Variants in TUSC3 observed in about 807,000 individuals in gnomAD.
The protein encoded by TUSC3 is tumor suppressor candidate 3.
TUSC3 carries 45 observed loss-of-function variants against 44.8 expected under a neutral mutation model. The observed-to-expected ratio is 1.00, with a 90% CI of 0.79 to 1.29. The LOEUF is 1.29. Among genes scored for constraint, TUSC3 ranks in the 50% most tolerant of loss-of-function variants. The pLI is 0.00. For synonymous variants in TUSC3, 212 were observed against 152.9 expected, an observed-to-expected ratio of 1.39 and a Z score of -2.85; for missense variants, 519 against 437.9, an observed-to-expected ratio of 1.19 and a Z score of -1.65.
chr8:15,728,423 A>G (rs1477356527), intron 6 of TUSC3, among the ~76,000 whole-genome samples: 1 of 147,278 alleles, frequency 6.8e-6, no homozygotes, highest in Non-Finnish European at 1.5e-5. Context: ...AGTAGAGCCA[A>G]CAGTATTTTC....
chr8:15,649,700 C>G (rs1478958478), intron 2 of TUSC3, among the ~76,000 whole-genome samples: 1 of 151,994 alleles, frequency 6.6e-6, no homozygotes, highest in South Asian at 2.1e-4. Context: ...TCTTATTGCA[C>G]TGCAATCTCC....
At chr8:15,736,858 C>T (rs1810959279) in intron 7 of TUSC3, among the ~76,000 whole-genome samples, 1 of 152,126 alleles carries the variant, frequency 6.6e-6, no homozygotes, top group Non-Finnish European at 1.5e-5. Flanking sequence ...TATGGTCTCT[C>T]TGTATGAGTG....
At chr8:15,522,497 T>C (rs1801311689) in intron 2 of TUSC3, among the ~76,000 whole-genome samples, 1 of 151,888 alleles carries the variant, frequency 6.6e-6, no homozygotes, top group Non-Finnish European at 1.5e-5. Context: ...CCTCCCAAAG[T>C]GCTGAGATCA....
chr8:15,644,456 C>G (rs1014242629), intron 2 of TUSC3, among the ~76,000 whole-genome samples: 2 of 152,164 alleles, frequency 1.3e-5, no homozygotes, highest in African/African-American at 4.8e-5. Flanking sequence ...TGGATTTTAA[C>G]TTGCCATTTC....
chr8:15,694,985 C>T (rs1464246758), intron 6 of TUSC3, among the ~76,000 whole-genome samples: 1 of 152,196 alleles, frequency 6.6e-6, no homozygotes, highest in Non-Finnish European at 1.5e-5. Flanking sequence ...GGCATCCAAG[C>T]ATGTGTTTGC....
At chr8:15,572,552 T>C (rs1211189550) in intron 1 of TUSC3, among the ~76,000 whole-genome samples, 1 of 152,202 alleles carries the variant, frequency 6.6e-6, no homozygotes, top group African/African-American at 2.4e-5. Flanking sequence ...CTTGAAAACA[T>C]TGCATTTGCA....
chr8:15,786,018 A>G, the TUSC3 span, among the ~76,000 whole-genome samples: 1 of 152,234 alleles, frequency 6.6e-6, no homozygotes, highest in Non-Finnish European at 1.5e-5. Flanking sequence ...TTCTTTATAC[A>G]TTCTTGAGAT....
chr8:15,591,281 G>T (rs1803828142), intron 1 of TUSC3, among the ~76,000 whole-genome samples: 1 of 151,920 alleles, frequency 6.6e-6, no homozygotes. Flanking sequence ...AATTTTTAAA[G>T]GTTTGGATAA....
chr8:15,743,692 C>T lies in TUSC3; in HGVS notation c.937+80C>T. The T allele has an allele frequency of 8.9e-6, 13 of 1,462,070 alleles. No individual in the cohort carries two copies. The South Asian group carries it at 1.4e-4, about 15-fold the overall frequency. 90.6% of individuals were successfully genotyped at this position (1,462,070 alleles called of 1,614,324 possible). A position where few individuals can be genotyped will look rare whatever the true frequency, so the allele number is the denominator to read the frequency against. On this transcript the variant is annotated intron_variant, in intron 8 of 10. Transcript: ENST00000503731. ...AAGTCAAATGGGAAATACATAAAAGCCCTTTGTAAACAAACTTCTAAAGAA... is the reference window on the plus strand; with the variant it reads ...AAGTCAAATGGGAAATACATAAAAGTCCTTTGTAAACAAACTTCTAAAGAA...
intron 2 of TUSC3, among the ~76,000 whole-genome samples, chr8:15,494,736 C>T (rs1027163430): frequency 1.3e-5 from 2 of 152,116 alleles, no homozygotes; most frequent in Non-Finnish European, 1.5e-5. Flanking sequence ...CCAGACAGAA[C>T]GGACTTTTCT....
rs146115055 is a variant in TUSC3, at chr8:15,511,087, A to AC, written n.189+27610dup. ...TAACGTCCTCTACCCGATAAAGGAC[A>AC]CCCCCCAAAAAACAAAACCCAAAAC... On this transcript the variant is annotated intron_variant and non_coding_transcript_variant, in intron 2 of 5. Transcript: ENST00000503191. Among the ~76,000 whole-genome samples the AC allele has an allele frequency of 9.9e-3, 1,512 of 152,288 alleles. 24 individuals carry two copies. The highest frequency in any genetic ancestry group is 0.034 in the African/African-American group (1,418 of 41,552).
chr8:15,692,661 C>CT (rs71211074), intron 6 of TUSC3, among the ~76,000 whole-genome samples: 143 of 143,320 alleles, frequency 1.0e-3, no homozygotes, highest in Middle Eastern at 3.7e-3. Context: ...TTTCTGAGGG[C>CT]TTTTTTTTTT....
At chr8:15,609,916 A>G (rs1162864102) in intron 1 of TUSC3, among the ~76,000 whole-genome samples, 1 of 152,020 alleles carries the variant, frequency 6.6e-6, no homozygotes, top group Non-Finnish European at 1.5e-5. Context: ...ATTACCTTCT[A>G]TCTTTCCACT....
At chr8:15,652,172 G>C (rs973311237) in intron 3 of TUSC3, among the ~76,000 whole-genome samples, 1 of 152,080 alleles carries the variant, frequency 6.6e-6, no homozygotes, top group Non-Finnish European at 1.5e-5. Context: ...TGCAGTTCCG[G>C]GGTTGATCTT....
chr8:15,595,256 A>G lies in TUSC3; in HGVS notation c.139-27824A>G, dbSNP rs78181502. Among the ~76,000 whole-genome samples the G allele has an allele frequency of 3.6e-3, 549 of 152,292 alleles. 8 individuals carry two copies. The East Asian group carries it at 0.04, about 11-fold the overall frequency. On this transcript the variant is annotated intron_variant, in intron 1 of 10. Coordinates refer to ENST00000503731, the MANE Select transcript of TUSC3 (RefSeq NM_006765.4). ...GTAATTTCTTTACACATAGGATTTG[A>G]TCAGCACTCAGCTGAATATTCAAGG...
At chr8:15,821,386 G>T in the TUSC3 span, among the ~76,000 whole-genome samples, 1 of 146,030 alleles carries the variant, frequency 6.8e-6, no homozygotes, top group Non-Finnish European at 1.5e-5. Context: ...GGATTGGGGA[G>T]TAGTCCTGTT....
the TUSC3 span, among the ~76,000 whole-genome samples, chr8:15,828,536 T>C: frequency 6.6e-6 from 1 of 152,228 alleles, no homozygotes; most frequent in African/African-American, 2.4e-5. Context: ...TAGAAAGTAG[T>C]AAACAAATGG....
intron 6 of TUSC3, among the ~76,000 whole-genome samples, chr8:15,705,853 C>A (rs1321838036): frequency 6.6e-6 from 1 of 152,018 alleles, no homozygotes; most frequent in African/African-American, 2.4e-5. Context: ...TTACAACTTA[C>A]ATATTATCAG....
chr8:15,431,430 G>T (rs776204851), intron 1 of TUSC3, among the ~76,000 whole-genome samples: 2 of 150,998 alleles, frequency 1.3e-5, no homozygotes, highest in African/African-American at 4.9e-5. Context: ...TTATTCTTTC[G>T]AATGCTCTTT....
Sources: gnomAD v4.1 joint callset for allele counts (sites outside exome capture counted in the v4.1 genomes callset) on GRCh38, gnomAD v4.1.1 for gene constraint, MANE v1.5 for transcripts, NCBI Gene and HGNC (gene_info 2026-07-23, HGNC 2026-07-21) for gene names.